Variants in HLF observed in about 807,000 individuals in gnomAD.
HLF encodes HLF transcription factor, PAR bZIP family member.
In HLF, 3 loss-of-function variants were observed where a neutral mutation model predicts 22.6. The observed-to-expected ratio is 0.13, with a 90% CI of 0.06 to 0.34. The LOEUF (loss-of-function observed/expected upper bound fraction) is 0.34, where lower values mean the gene tolerates loss of function less well. Ranked by LOEUF, HLF falls within the 10% of genes least tolerant of loss-of-function variation. HLF has a pLI of 1.00. For missense variants in HLF, 299 were observed against 389.2 expected (o/e 0.77, Z 1.95); for synonymous variants, 151 against 151.8 (o/e 0.99, Z 0.04).
intron 1 of HLF, chr17:55,265,922 C>CGCAGAGCGAGCCCGCCTGCGGAGG: frequency 9.9e-7 from 1 of 1,008,970 alleles, no homozygotes; most frequent in Non-Finnish European, 1.2e-6. Flanking sequence ...CACACCCGCA[C>CGCAGAGCGAGCCCGCCTGCGGAGG]GCAGAGCGAG....
At chr17:55,279,185 A>G (rs1389579493) in intron 2 of HLF, among the ~76,000 whole-genome samples, 1 of 152,226 alleles carries the variant, frequency 6.6e-6, no homozygotes, top group Middle Eastern at 3.2e-3. Context: ...GTTATTTTTA[A>G]CATTATAAGT....
chr17:55,288,455 C>G (rs1045455081), intron 2 of HLF, among the ~76,000 whole-genome samples: 1 of 152,098 alleles, frequency 6.6e-6, no homozygotes, highest in Non-Finnish European at 1.5e-5. Context: ...GCCAGTTTCA[C>G]TGTTTTCTGA....
chr17:55,291,381 A>G (rs1452425679), intron 2 of HLF, among the ~76,000 whole-genome samples: 1 of 152,172 alleles, frequency 6.6e-6, no homozygotes, highest in African/African-American at 2.4e-5. Flanking sequence ...CACTGTTCCA[A>G]AAATCCTAGG....
At chr17:55,298,250 CA>C (rs1251380272) in intron 2 of HLF, among the ~76,000 whole-genome samples, 1 of 152,082 alleles carries the variant, frequency 6.6e-6, no homozygotes, top group Non-Finnish European at 1.5e-5. Context: ...ACTCAAATGA[CA>C]AAGGACTTCA....
At chr17:55,293,314 A>C (rs2081082877) in intron 2 of HLF, among the ~76,000 whole-genome samples, 1 of 152,194 alleles carries the variant, frequency 6.6e-6, no homozygotes, top group Non-Finnish European at 1.5e-5. Flanking sequence ...CGGTGGAACG[A>C]CCATTACATG....
intron 2 of HLF, among the ~76,000 whole-genome samples, chr17:55,285,017 G>C (rs1256671320): frequency 6.6e-6 from 1 of 152,116 alleles, no homozygotes; most frequent in Non-Finnish European, 1.5e-5. Flanking sequence ...AAGGAGTCAG[G>C]GACTGCCCAC....
chr17:55,274,857 C>G (rs1183469116), intron 2 of HLF, among the ~76,000 whole-genome samples: 1 of 152,236 alleles, frequency 6.6e-6, no homozygotes, highest in East Asian at 1.9e-4. Flanking sequence ...CATCTAATCT[C>G]ATTTCCCATG....
At chr17:55,266,008 C>G (rs1210994262) in intron 1 of HLF, 40 of 179,522 alleles carry the variant, frequency 2.2e-4, no homozygotes, top group Non-Finnish European at 4.1e-4. Context: ...GGGCAGGGGG[C>G]GGGGGTCGGC....
chr17:55,318,111 G>T (rs867547469), intron 3 of HLF, among the ~76,000 whole-genome samples: 7 of 151,208 alleles, frequency 4.6e-5, no homozygotes, highest in Non-Finnish European at 8.9e-5. Flanking sequence ...GGCTAAGTGG[G>T]TCCCTTGTTG....
chr17:55,320,813 G>A lies in HLF; in HGVS notation c.822G>A (p.Leu274=), dbSNP rs774432799. The A allele has an allele frequency of 6.2e-7, 1 of 1,613,944 alleles. No homozygotes were observed. The highest frequency in any genetic ancestry group is 1.1e-5 in the South Asian group (1 of 91,028). ...CCCTCCGCCAGGAGGTGGCTGACTT[G>A]AGGAAGGAGCTGGGCAAATGCAAGA... ...NSALRQEVAD[L]RKELGKCKNI... Residue 274 remains leucine (L), a synonymous_variant, in exon 4 of 4, where the codon TTG becomes TTA. Coordinates refer to ENST00000226067, the MANE Select transcript of HLF (RefSeq NM_002126.5). The surrounding 1 kb of genome is among the most constrained non-coding windows in gnomAD (Gnocchi z 4.2).
chr17:55,280,493 G>T (rs1005561338), intron 2 of HLF, among the ~76,000 whole-genome samples: 1 of 152,192 alleles, frequency 6.6e-6, no homozygotes, highest in Non-Finnish European at 1.5e-5. Context: ...CTGGTGCTAT[G>T]CCTGGAAGAT....
rs560876968 is a variant in HLF at position 55,323,764 on chromosome 17, C to T, written c.*2885C>T. 8.7e-5 allele frequency: 20 copies of T among 230,776 alleles called. No homozygotes were observed. The South Asian group carries it at 2.5e-3, about 29-fold the overall frequency. The allele number at this position is 230,776 out of a possible 1,614,324, so 14.3% of individuals were successfully genotyped here. ...TTGACTCTGAGTGATTTGGGTCAACCGGAGTCAGACGCATGTCTGCACGCT... is the reference window on the plus strand; with the variant it reads ...TTGACTCTGAGTGATTTGGGTCAACTGGAGTCAGACGCATGTCTGCACGCT... On this transcript the variant is annotated 3_prime_UTR_variant, in exon 4 of 4. Transcript: ENST00000226067.
rs185818617 is a variant in HLF at position 55,317,493 on chromosome 17, G to C, written c.672+2046G>C. On this transcript the variant is annotated intron_variant, in intron 3 of 3. Transcript: ENST00000226067. ...GGCCAGACAAAAACCGTCTGTGCTGGAATTACACATATTGCTGCTGTCATG... is the reference window on the plus strand; with the variant it reads ...GGCCAGACAAAAACCGTCTGTGCTGCAATTACACATATTGCTGCTGTCATG... Among the ~76,000 whole-genome samples the C allele has an allele frequency of 1.6e-3, 238 of 152,312 alleles. 1 individual carries two copies. The highest frequency in any genetic ancestry group is 5.4e-3 in the African/African-American group (225 of 41,558).
intron 2 of HLF, among the ~76,000 whole-genome samples, chr17:55,268,508 C>T (rs938191281): frequency 6.6e-6 from 1 of 152,164 alleles, no homozygotes; most frequent in Non-Finnish European, 1.5e-5. Context: ...AACAGGTAGA[C>T]TCTCAATAGG....
At chr17:55,278,300 A>C (rs1407249030) in intron 2 of HLF, among the ~76,000 whole-genome samples, 2 of 152,220 alleles carry the variant, frequency 1.3e-5, no homozygotes, top group Non-Finnish European at 2.9e-5. Context: ...GAATTGCATA[A>C]ATGGATCAGC....
intron 2 of HLF, among the ~76,000 whole-genome samples, chr17:55,276,357 C>T (rs564663504): frequency 3.9e-5 from 6 of 152,120 alleles, no homozygotes; most frequent in South Asian, 2.1e-4. Flanking sequence ...TGTCAAATGA[C>T]GGGTATATAG....
At chr17:55,274,015 A>G (rs577249733) in intron 2 of HLF, among the ~76,000 whole-genome samples, 1 of 151,160 alleles carries the variant, frequency 6.6e-6, no homozygotes, top group East Asian at 2.0e-4. Context: ...GCTCCTGCCA[A>G]GGGTCTTGGC....
chr17:55,266,859 G>A, intron 1 of HLF: 4 of 937,678 alleles, frequency 4.3e-6, no homozygotes, highest in Non-Finnish European at 5.1e-6. Context: ...CTTCCAGGTA[G>A]CAAATAGCTG....
intron 1 of HLF, 49 bp downstream of exon 1, chr17:55,265,648 T>TC: frequency 3.7e-6 from 5 of 1,362,714 alleles, no homozygotes; most frequent in Non-Finnish European, 5.1e-6. Context: ...GCTCCGGGGG[T>TC]CCCCCTCCGC....
Sources: allele counts gnomAD v4.1 joint callset (sites outside exome capture counted in the v4.1 genomes callset), GRCh38; gene constraint gnomAD v4.1.1; non-coding constraint Gnocchi (gnomAD v3.1); transcripts MANE v1.5; gene names NCBI Gene and HGNC (gene_info 2026-07-23, HGNC 2026-07-21).